Variants in GABRG1 observed in about 807,000 individuals in gnomAD.
GABRG1 encodes the protein gamma-aminobutyric acid type A receptor subunit gamma1.
A neutral mutation model predicts 49.8 loss-of-function variants in GABRG1; 49 were observed. The ratio of observed to expected loss-of-function variants is 0.98; its 90% CI spans 0.78 to 1.25. The LOEUF is 1.25. Ranked by LOEUF, GABRG1 falls within the 50% of genes most tolerant of loss-of-function variation. The pLI is 0.00. For missense variants in GABRG1, 552 were observed against 552.3 expected (o/e 1.00, Z 0.01); for synonymous variants, 232 against 185.1 (o/e 1.25, Z -2.06).
At chr4:46,100,444 C>T (rs1720341357) in intron 1 of GABRG1, among the ~76,000 whole-genome samples, 1 of 147,920 alleles carries the variant, frequency 6.8e-6, no homozygotes, top group Non-Finnish European at 1.5e-5. Context: ...CTTAACAAAC[C>T]TTTACATGTA....
Position 46,036,819 on chromosome 4 carries a change from A to T in GABRG1, c.*4169T>A, listed in dbSNP as rs1717548136. 1.3e-5 allele frequency: 2 copies of T among 152,026 alleles called. No individual in the cohort carries two copies. The highest frequency in any genetic ancestry group is 4.1e-4 in the South Asian group (2 of 4,830). The allele number at this position is 152,026 out of a possible 1,614,324, so 9.4% of individuals were successfully genotyped here. ...TTTAATAATGTATCTTTTGTACTCA[A>T]GTATCTCTGTGAACTTTTTATGACT... On this transcript the variant is annotated 3_prime_UTR_variant, in exon 9 of 9. Transcript: ENST00000295452.
chr4:46,062,984 G>A (rs1436782472), intron 5 of GABRG1, among the ~76,000 whole-genome samples: 3 of 151,218 alleles, frequency 2.0e-5, no homozygotes, highest in Admixed American at 6.6e-5. Context: ...CCTCTTCAAG[G>A]AGAACTACAA....
intron 2 of GABRG1, among the ~76,000 whole-genome samples, chr4:46,086,745 C>G (rs1192135211): frequency 6.6e-6 from 1 of 151,374 alleles, no homozygotes; most frequent in East Asian, 1.9e-4. Flanking sequence ...GGTACAATTC[C>G]AAGAAAGCAA....
intron 3 of GABRG1, among the ~76,000 whole-genome samples, chr4:46,070,845 T>A (rs1719090613): frequency 6.6e-6 from 1 of 152,094 alleles, no homozygotes; most frequent in Non-Finnish European, 1.5e-5. Context: ...CTCATCTGAC[T>A]GGTTGAGGCC....
chr4:46,041,232 C>G lies in GABRG1; in HGVS notation c.1154G>C (p.Gly385Ala), dbSNP rs139270309. 5 of 1,612,374 alleles carry G rather than the reference C, an allele frequency of 3.1e-6. No homozygotes were observed. The highest frequency in any genetic ancestry group is 1.7e-4 in the Middle Eastern group (1 of 6,050). Residue 385 changes from glycine to alanine, a missense_variant, in exon 9 of 9, where the codon GGA (glycine) becomes GCA (alanine). Transcript: ENST00000295452. ...KASMTPGLHP[G>A]STLIPMNNIS... is the part of the protein sequence containing the mutation. Reference sequence around the variant, plus strand: ...ATTATTCATTGGAATCAGAGTGGATCCAGGATGGAGACCAGGAGTCATCTG... The same window carrying G: ...ATTATTCATTGGAATCAGAGTGGATGCAGGATGGAGACCAGGAGTCATCTG...
intron 1 of GABRG1, among the ~76,000 whole-genome samples, chr4:46,110,455 C>T (rs1720679221): frequency 6.6e-6 from 1 of 150,892 alleles, no homozygotes; most frequent in South Asian, 2.1e-4. Flanking sequence ...TCTTGTTAAT[C>T]TATCCAACCT....
Position 46,064,471 on chromosome 4 carries a change from C to CA in GABRG1, c.594dup (p.Glu199Ter). On this transcript the variant is annotated frameshift_variant, in exon 5 of 9. Coordinates refer to ENST00000295452, the MANE Select transcript of GABRG1 (RefSeq NM_173536.4). LOFTEE classifies it high-confidence loss of function. Reference sequence around the variant, plus strand: ...GAAAATTCCAGTGGACAGGAATGTTCATCCATGGGAAAGTTATGAAGCTGA... The same window carrying CA: ...GAAAATTCCAGTGGACAGGAATGTTCAATCCATGGGAAAGTTATGAAGCTGA... 1.9e-6 allele frequency: 3 copies of CA among 1,540,584 alleles called. No homozygotes were observed. Among genetic ancestry groups the CA allele is most frequent in the Non-Finnish European group, 2.6e-6 (3 of 1,145,428 alleles).
intron 1 of GABRG1, among the ~76,000 whole-genome samples, chr4:46,102,056 C>G (rs368436459): frequency 1.7e-4 from 26 of 151,650 alleles, no homozygotes; most frequent in African/African-American, 6.3e-4. Context: ...ATGTGAATGC[C>G]TACCTAAGAA....
At chr4:46,105,045 T>C (rs1720489029) in intron 1 of GABRG1, among the ~76,000 whole-genome samples, 1 of 151,404 alleles carries the variant, frequency 6.6e-6, no homozygotes, top group Non-Finnish European at 1.5e-5. Flanking sequence ...GGGCACGCTA[T>C]CCTTCCTTTT....
At chr4:46,063,362 C>A (rs1453835835) in intron 5 of GABRG1, among the ~76,000 whole-genome samples, 1 of 151,862 alleles carries the variant, frequency 6.6e-6, no homozygotes, top group Non-Finnish European at 1.5e-5. Context: ...AGAAATAACG[C>A]CACATATCTA....
rs1366202291 is a variant in GABRG1 at position 46,064,003 on chromosome 4, GC to G, written c.625+437del. Among the ~76,000 whole-genome samples, 3 of 151,926 alleles carry G rather than the reference GC, an allele frequency of 2.0e-5. No individual in the cohort carries two copies. The East Asian group carries it at 5.8e-4, about 29-fold the overall frequency. ...CTTATTAAAGTAGTCTCAAATATTT[GC>G]TATTCGTATGGTAAATACTATTTGC... On this transcript the variant is annotated intron_variant, in intron 5 of 8. Transcript: ENST00000295452.
intron 1 of GABRG1, among the ~76,000 whole-genome samples, chr4:46,117,099 T>C (rs1207210730): frequency 6.6e-6 from 1 of 150,674 alleles, no homozygotes; most frequent in Non-Finnish European, 1.5e-5. Flanking sequence ...GAACCCTTGA[T>C]TCTAGCAGTC....
intron 1 of GABRG1, among the ~76,000 whole-genome samples, chr4:46,105,791 T>TGATAGATTGATA (rs1553883519): frequency 6.9e-6 from 1 of 144,556 alleles, no homozygotes; most frequent in East Asian, 2.1e-4. Context: ...GGTAGATAGA[T>TGATAGATTGATA]GATAGATAGA....
chr4:46,065,488 C>A lies in GABRG1; in HGVS notation c.418G>T (p.Val140Phe). The change falls in exon 4 of 9, where the codon GTT (valine) becomes TTT (phenylalanine). Residue 140 changes from valine (V) to phenylalanine (F), a missense_variant. Transcript: ENST00000295452. ...GTGTCAGGAATCCAAATTTTTCCAA[C>A]CATATTACTGTTAAGCATAAGCACT... ...MKVLMLNSNM[V>F]GKIWIPDTFF... is the part of the protein sequence containing the mutation. 6.2e-7 allele frequency: 1 copy of A among 1,610,890 alleles called. No homozygotes were observed. Among genetic ancestry groups the A allele is most frequent in the Non-Finnish European group, 8.5e-7 (1 of 1,177,426 alleles).
intron 8 of GABRG1, among the ~76,000 whole-genome samples, chr4:46,044,731 C>T (rs1304173421): frequency 6.6e-6 from 1 of 152,152 alleles, no homozygotes; most frequent in Middle Eastern, 3.4e-3. Context: ...ATGGTGTTAG[C>T]TAAATGTCCA....
chr4:46,100,709 A>AAG (rs397878429), intron 1 of GABRG1, among the ~76,000 whole-genome samples: 1 of 125,536 alleles, frequency 8.0e-6, no homozygotes, highest in Non-Finnish European at 1.6e-5. Flanking sequence ...AGATTTTAGA[A>AAG]AAAAAAAAAA....
intron 2 of GABRG1, among the ~76,000 whole-genome samples, chr4:46,090,205 A>T (rs140156918): frequency 2.6e-5 from 4 of 152,230 alleles, no homozygotes; most frequent in Admixed American, 2.6e-4. Context: ...ATGCACAGAA[A>T]AAAATGCTAC....
At chr4:46,080,218 T>C (rs1227620502) in intron 3 of GABRG1, among the ~76,000 whole-genome samples, 1 of 151,880 alleles carries the variant, frequency 6.6e-6, no homozygotes, top group African/African-American at 2.4e-5. Flanking sequence ...ATATTAATTT[T>C]GTTTCTTACT....
chr4:46,062,381 G>A (rs1247053415), intron 5 of GABRG1, among the ~76,000 whole-genome samples: 1 of 152,028 alleles, frequency 6.6e-6, no homozygotes, highest in Non-Finnish European at 1.5e-5. Context: ...AGTCCTTTGG[G>A]TATATACCCA....
Sources: gnomAD v4.1 joint callset for allele counts (sites outside exome capture counted in the v4.1 genomes callset) on GRCh38, gnomAD v4.1.1 for gene constraint, MANE v1.5 for transcripts, NCBI Gene and HGNC (gene_info 2026-07-23, HGNC 2026-07-21) for gene names.